RAPGEF6: variants seen among roughly 807,000 people sequenced by gnomAD.
The protein encoded by RAPGEF6 is PDZ domain containing guanine nucleotide exchange factor (GEF) 2.
In RAPGEF6, 56 loss-of-function variants were observed where a neutral mutation model predicts 171.4. The observed-to-expected ratio is 0.33, with a 90% CI of 0.26 to 0.41. The LOEUF (loss-of-function observed/expected upper bound fraction) is 0.41. RAPGEF6 is among the 10% of genes least tolerant of loss of function. The probability of loss-of-function intolerance (pLI) is 1.00; values close to 1 mark genes in which losing one functional copy is unlikely to be tolerated. For missense variants in RAPGEF6, 1,674 were observed against 1,921.4 expected (o/e 0.87, Z 2.41); for synonymous variants, 692 against 650.1 (o/e 1.06, Z -0.98).
intron 1 of RAPGEF6, among the ~76,000 whole-genome samples, chr5:131,623,144 C>T (rs1369835352): frequency 2.0e-5 from 3 of 152,154 alleles, no homozygotes; most frequent in South Asian, 4.1e-4. Flanking sequence ...TTTGCCCAGA[C>T]GTTTTGAATC....
At position 131,548,139 on chromosome 5, in the gene RAPGEF6, C is replaced by A; in HGVS notation, c.403G>T (p.Ala135Ser). Residue 135 changes from alanine (A) to serine (S), a missense_variant, in exon 6 of 28, where the codon GCC becomes TCC. Physicochemically the swap from Ala to Ser is moderately conservative, Grantham distance 99. Around this residue, in one of 3 missense-constraint regions of RAPGEF6, gnomAD observed 1,116 missense variants for 1,321.5 expected, o/e 0.84. Transcript: ENST00000509018. ...CGAAATCTTCTTCGGGATTGTCTGG[C>A]AGGAATTTCTCTTTGTAGAATACTA... The part of the protein sequence containing the change: ...EDSILQREIP[A>S]RQSRRRFRKI... The A allele has an allele frequency of 6.2e-7, 1 of 1,613,954 alleles. No homozygotes were observed. The highest frequency in any genetic ancestry group is 8.5e-7 in the Non-Finnish European group (1 of 1,179,908).
chr5:131,599,178 G>A (rs1764078697), intron 3 of RAPGEF6, among the ~76,000 whole-genome samples: 1 of 151,918 alleles, frequency 6.6e-6, no homozygotes, highest in Admixed American at 6.6e-5. Flanking sequence ...AATACAAAAA[G>A]TAGCCGGGCA....
intron 17 of RAPGEF6, among the ~76,000 whole-genome samples, chr5:131,466,124 T>TGA (rs1360331545): frequency 2.0e-5 from 3 of 151,002 alleles, no homozygotes; most frequent in Non-Finnish European, 4.4e-5. Flanking sequence ...AGACTTGCTC[T>TGA]GAGGACTGAA....
At chr5:131,459,486 T>G (rs1187887678) in intron 19 of RAPGEF6, among the ~76,000 whole-genome samples, 1 of 152,144 alleles carries the variant, frequency 6.6e-6, no homozygotes, top group East Asian at 1.9e-4. Context: ...CAATTCTTTG[T>G]TCTTAACTAA....
chr5:131,580,473 G>C (rs1002344067), intron 4 of RAPGEF6, among the ~76,000 whole-genome samples: 1 of 152,156 alleles, frequency 6.6e-6, no homozygotes, highest in Non-Finnish European at 1.5e-5. Flanking sequence ...AGCCCTGAGA[G>C]GGGCTCCCAC....
intron 26 of RAPGEF6, 123 bp from the exon 27 acceptor site, chr5:131,429,339 G>C (rs1353751757): frequency 4.8e-6 from 4 of 830,682 alleles, no homozygotes; most frequent in Non-Finnish European, 7.3e-6. Context: ...GAATAAACTT[G>C]AATGATGGCA....
intron 24 of RAPGEF6, 21 bp downstream of exon 24, chr5:131,439,560 G>C (rs189640007): frequency 6.3e-7 from 1 of 1,594,590 alleles, no homozygotes; most frequent in East Asian, 2.3e-5. Flanking sequence ...ACAAGAACTA[G>C]TTTGAAATGT....
At chr5:131,480,949 G>A (rs1254479133) in intron 15 of RAPGEF6, among the ~76,000 whole-genome samples, 1 of 146,042 alleles carries the variant, frequency 6.8e-6, no homozygotes, top group Non-Finnish European at 1.5e-5. Context: ...TTTTAATTTT[G>A]AGACAGAGTT....
At chr5:131,467,496 T>C (rs982884168) in intron 17 of RAPGEF6, among the ~76,000 whole-genome samples, 7 of 152,242 alleles carry the variant, frequency 4.6e-5, no homozygotes, top group Non-Finnish European at 1.0e-4. Context: ...TTATTACGTA[T>C]ATATTACATA....
rs1052939107 is a variant in RAPGEF6 at position 131,472,665 on chromosome 5, T to A, written c.2161A>T (p.Ile721Phe). Reference sequence around the variant, plus strand: ...CTGCTGGATGAGAGTGTTCCAGGGATGGGCATTATAGCCAGACTATGCCTA... The same window carrying A: ...CTGCTGGATGAGAGTGTTCCAGGGAAGGGCATTATAGCCAGACTATGCCTA... ...HCRHSLAIMP[I>F]PGTLSSSSPD... The change falls in exon 17 of 28, where the codon ATC (isoleucine) becomes TTC (phenylalanine). Residue 721 changes from isoleucine (I) to phenylalanine (F), a missense_variant. Ile to Phe is a conservative substitution (Grantham distance 21, BLOSUM62 0). Coordinates refer to ENST00000509018, the MANE Select transcript of RAPGEF6 (RefSeq NM_016340.6). 13 of 1,613,380 alleles carry A rather than the reference T, an allele frequency of 8.1e-6. No homozygotes were observed. The highest frequency in any genetic ancestry group is 1.3e-5 in the African/African-American group (1 of 74,924).
chr5:131,428,034 T>C (rs940419217), intron 27 of RAPGEF6, among the ~76,000 whole-genome samples: 6 of 151,616 alleles, frequency 4.0e-5, no homozygotes, highest in African/African-American at 1.5e-4. Flanking sequence ...GACCAGGAAG[T>C]TGAGGCTGCA....
intron 4 of RAPGEF6, among the ~76,000 whole-genome samples, chr5:131,576,775 C>A (rs773580906): frequency 1.4e-4 from 21 of 152,214 alleles, no homozygotes; most frequent in Non-Finnish European, 2.2e-4. Context: ...GAAAATTCCT[C>A]CTTCCTGCCT....
rs1751418183 is a variant in RAPGEF6 at position 131,426,855 on chromosome 5, T to C, written c.*411A>G. 1 of 180,302 alleles carries C rather than the reference T, an allele frequency of 5.5e-6. No individual in the cohort carries two copies. The highest frequency in any genetic ancestry group is 1.1e-5 in the Non-Finnish European group (1 of 87,186). The allele number at this position is 180,302 out of a possible 1,614,324, so 11.2% of individuals were successfully genotyped here. On this transcript the variant is annotated 3_prime_UTR_variant, in exon 28 of 28. Coordinates refer to ENST00000509018, the MANE Select transcript of RAPGEF6 (RefSeq NM_016340.6). The stretch of plus-strand genomic sequence containing the variant: ...ATTTTTCAAATATACAAGAATATCC[T>C]TGGTATTGGCAGACAATTTCAATTT...
At chr5:131,509,542 CA>C (rs59175698) in intron 8 of RAPGEF6, among the ~76,000 whole-genome samples, 74 of 136,836 alleles carry the variant, frequency 5.4e-4, no homozygotes, top group African/African-American at 1.0e-3. Context: ...GACACCGTCT[CA>C]AAAAAAAAAA....
intron 24 of RAPGEF6, among the ~76,000 whole-genome samples, chr5:131,438,969 T>C (rs1159860165): frequency 6.6e-6 from 1 of 152,130 alleles, no homozygotes; most frequent in Non-Finnish European, 1.5e-5. Flanking sequence ...GTTGCCCAGG[T>C]TGAAGTACAG....
intron 7 of RAPGEF6, among the ~76,000 whole-genome samples, chr5:131,519,440 C>T (rs570476412): frequency 4.3e-4 from 65 of 152,190 alleles, no homozygotes; most frequent in Middle Eastern, 3.4e-3. Context: ...CTTGCTCTGT[C>T]GGCCAGGCTG....
chr5:131,526,544 T>C (rs1329225881), intron 6 of RAPGEF6, among the ~76,000 whole-genome samples: 1 of 152,148 alleles, frequency 6.6e-6, no homozygotes, highest in Non-Finnish European at 1.5e-5. Context: ...CAACACCCAG[T>C]AGTTTATCTT....
At chr5:131,503,094 T>C (rs1399806793) in intron 11 of RAPGEF6, among the ~76,000 whole-genome samples, 3 of 152,178 alleles carry the variant, frequency 2.0e-5, no homozygotes, top group African/African-American at 4.8e-5. Context: ...TGAGCCACCA[T>C]GCCCGGCCCT....
intron 1 of RAPGEF6, among the ~76,000 whole-genome samples, chr5:131,622,695 G>A (rs1010337340): frequency 2.6e-5 from 4 of 152,102 alleles, no homozygotes; most frequent in African/African-American, 9.7e-5. Flanking sequence ...GATAATCCAG[G>A]TCTCATCCAG....
Sources: gnomAD v4.1 joint callset for allele counts (sites outside exome capture counted in the v4.1 genomes callset) on GRCh38, gnomAD v4.1.1 for gene constraint, gnomAD v4.1.1 regional missense constraint, MANE v1.5 for transcripts, NCBI Gene and HGNC (gene_info 2026-07-23, HGNC 2026-07-21) for gene names.